Variants in MTARC2 observed in about 807,000 individuals in gnomAD.
MTARC2 encodes mitochondrial amidoxime reducing component 2, also known as MOCO sulphurase C-terminal domain containing 2.
MTARC2 carries 27 observed loss-of-function variants against 35.6 expected under a neutral mutation model. The observed-to-expected ratio is 0.76, with a 90% CI of 0.56 to 1.04. The LOEUF is 1.04. Among genes scored for constraint, MTARC2 ranks in the 50% least tolerant of loss-of-function variants. The pLI, the probability that MTARC2 is intolerant of heterozygous loss-of-function variation, is 0.00. For missense variants in MTARC2, 412 were observed against 432.5 expected (o/e 0.95, Z 0.42); for synonymous variants, 158 against 167.1 (o/e 0.95, Z 0.42).
chr1:220,762,826 G>A lies in MTARC2; in HGVS notation c.610-84G>A, dbSNP rs148886880. The A allele has an allele frequency of 4.9e-4, 715 of 1,468,740 alleles. 3 individuals are homozygous for A. In the African/African-American group the frequency reaches 8.9e-3, roughly 18 times the overall value. 91.0% of individuals were successfully genotyped at this position (1,468,740 alleles called of 1,614,324 possible). On this transcript the variant is annotated intron_variant, in intron 3 of 7. Coordinates refer to ENST00000366913, the MANE Select transcript of MTARC2 (RefSeq NM_017898.5). ...CCCTCTTCTGCACTGAAGAGGTTTTGCTTCTGGACATTACTTAGCTTTGTA... is the reference window on the plus strand; with the variant it reads ...CCCTCTTCTGCACTGAAGAGGTTTTACTTCTGGACATTACTTAGCTTTGTA...
At chr1:220,753,862 C>T (rs1270903498) in intron 1 of MTARC2, among the ~76,000 whole-genome samples, 1 of 152,106 alleles carries the variant, frequency 6.6e-6, no homozygotes, top group East Asian at 1.9e-4. Flanking sequence ...CCAGCCCAGC[C>T]AACATAGCGA....
At chr1:220,781,444 C>G (rs1443191749) in intron 6 of MTARC2, among the ~76,000 whole-genome samples, 1 of 152,126 alleles carries the variant, frequency 6.6e-6, no homozygotes, top group East Asian at 1.9e-4. Context: ...CAGGGCCATT[C>G]CATTTTGAGT....
At chr1:220,765,334 G>A (rs1671553396) in intron 4 of MTARC2, among the ~76,000 whole-genome samples, 1 of 152,216 alleles carries the variant, frequency 6.6e-6, no homozygotes, top group African/African-American at 2.4e-5. Context: ...AGGCTGCACT[G>A]GAGCTGGCTG....
intron 7 of MTARC2, among the ~76,000 whole-genome samples, chr1:220,782,577 T>C (rs1381001376): frequency 6.6e-6 from 1 of 152,156 alleles, no homozygotes; most frequent in African/African-American, 2.4e-5. Context: ...TTAAGCAAGT[T>C]TTCTCATAAA....
chr1:220,754,443 CAG>C, intron 1 of MTARC2: 1 of 456,330 alleles, frequency 2.2e-6, no homozygotes, highest in African/African-American at 2.0e-5. Flanking sequence ...GCAAGTTAAA[CAG>C]AGCAGAGGCT....
At chr1:220,749,940 A>T (rs1021617514) in intron 1 of MTARC2, among the ~76,000 whole-genome samples, 1 of 152,130 alleles carries the variant, frequency 6.6e-6, no homozygotes, top group Non-Finnish European at 1.5e-5. Flanking sequence ...AACTTCAGAG[A>T]GTCTTAGAGA....
chr1:220,778,524 A>T (rs151037970), intron 4 of MTARC2, among the ~76,000 whole-genome samples: 189 of 152,336 alleles, frequency 1.2e-3, no homozygotes, highest in African/African-American at 4.4e-3. Context: ...TTCATGAAAG[A>T]TCCACCCCCA....
At chr1:220,781,640 A>G (rs1672073777) in intron 6 of MTARC2, 138 bp from the exon 7 acceptor site, 1 of 826,804 alleles carries the variant, frequency 1.2e-6, no homozygotes, top group Admixed American at 2.7e-5. Flanking sequence ...AATTGTCCAC[A>G]GACTTCTCTC....
chr1:220,761,623 G>C (rs372381002), intron 2 of MTARC2, 35 bp from the exon 3 acceptor site: 20 of 1,586,772 alleles, frequency 1.3e-5, no homozygotes, highest in Non-Finnish European at 1.6e-5. Flanking sequence ...ATTGATATAA[G>C]TAAGTAACCT....
In MTARC2 at chr1:220,773,804, A is replaced by G. The variant is rs554676528; in HGVS notation, c.751-6214A>G. ...TGGGATTATACCTCTTATAAAAAAT[A>G]AAGCAAAAAAGGCAAAAGAAAAAAA... On this transcript the variant is annotated intron_variant, in intron 4 of 7. Coordinates refer to ENST00000366913, the MANE Select transcript of MTARC2 (RefSeq NM_017898.5). Among the ~76,000 whole-genome samples, 18 of 152,330 alleles carry G rather than the reference A, an allele frequency of 1.2e-4. No homozygotes were observed. The East Asian group carries it at 3.3e-3, about 28-fold the overall frequency.
At chr1:220,761,849 G>GCTA (rs771687804) in intron 3 of MTARC2, 29 bp downstream of exon 3, 21 of 1,570,046 alleles carry the variant, frequency 1.3e-5, no homozygotes, top group Non-Finnish European at 1.7e-6. Context: ...TACCTTCACT[G>GCTA]CTACTAGTCA....
At chr1:220,754,406 C>T (rs1671220067) in intron 1 of MTARC2, 6 of 456,172 alleles carry the variant, frequency 1.3e-5, no homozygotes, top group Non-Finnish European at 2.6e-5. Flanking sequence ...TGGGAGGTTT[C>T]CTGATGTAGG....
chr1:220,754,248 C>T (rs1671215623), intron 1 of MTARC2: 12 of 449,746 alleles, frequency 2.7e-5, no homozygotes, highest in Admixed American at 9.5e-5. Flanking sequence ...CCTCACTCTT[C>T]AGCTCATCCC....
At chr1:220,755,990 A>G (rs72472382) in intron 2 of MTARC2, among the ~76,000 whole-genome samples, 7,100 of 152,276 alleles carry the variant, frequency 0.047, 265 homozygotes, top group East Asian at 0.19. Context: ...CTGGGTGAGA[A>G]GGATGCTGGA....
At chr1:220,749,752 G>A (rs979340118) in intron 1 of MTARC2, among the ~76,000 whole-genome samples, 3 of 152,058 alleles carry the variant, frequency 2.0e-5, no homozygotes, top group South Asian at 2.1e-4. Flanking sequence ...TTATCTGGCC[G>A]AGATGGTTTA....
At chr1:220,754,109 T>TAGTTTCCTAGG (rs1671211811) in intron 1 of MTARC2, among the ~76,000 whole-genome samples, 1 of 152,170 alleles carries the variant, frequency 6.6e-6, no homozygotes, top group Non-Finnish European at 1.5e-5. Context: ...ACTGTGATAT[T>TAGTTTCCTAGG]GAAATTTATT....
chr1:220,752,567 C>T (rs544967323), intron 1 of MTARC2, among the ~76,000 whole-genome samples: 1 of 152,200 alleles, frequency 6.6e-6, no homozygotes. Context: ...TTTGACCAGG[C>T]AGGATGGCTC....
chr1:220,756,807 G>A (rs1348113566), intron 2 of MTARC2, among the ~76,000 whole-genome samples: 1 of 152,242 alleles, frequency 6.6e-6, no homozygotes, highest in Non-Finnish European at 1.5e-5. Context: ...AATCTAGGGG[G>A]ACACTCACCT....
At chr1:220,761,543 C>A in intron 2 of MTARC2, 115 bp from the exon 3 acceptor site, 1 of 1,023,026 alleles carries the variant, frequency 9.8e-7, no homozygotes, top group Non-Finnish European at 1.4e-6. Context: ...CCAGGGACCA[C>A]TTAACAGCCC....
Sources: gnomAD v4.1 joint callset for allele counts (sites outside exome capture counted in the v4.1 genomes callset) on GRCh38, gnomAD v4.1.1 for gene constraint, MANE v1.5 for transcripts, NCBI Gene and HGNC (gene_info 2026-07-23, HGNC 2026-07-21) for gene names.